EPS8: variants seen among roughly 807,000 people sequenced by gnomAD.
EPS8 encodes the protein epidermal growth factor receptor kinase substrate 8.
In EPS8, 42 loss-of-function variants were observed where a neutral mutation model predicts 103.8. The observed-to-expected ratio is 0.40, with a 90% CI of 0.32 to 0.52. The LOEUF (loss-of-function observed/expected upper bound fraction) is 0.52, where lower values mean the gene tolerates loss of function less well. EPS8 is among the 20% of genes least tolerant of loss of function. EPS8 has a pLI of 0.40. For synonymous variants in EPS8, 344 were observed against 344.6 expected (o/e 1.00, Z 0.02); for missense variants, 969 against 1,005.1 (o/e 0.96, Z 0.49).
Position 15,777,560 on chromosome 12 carries a change from C to G in EPS8, c.-22+11601G>C, listed in dbSNP as rs1947219631. Among the ~76,000 whole-genome samples, 1 of 152,208 alleles carries G rather than the reference C, an allele frequency of 6.6e-6. No individual in the cohort carries two copies. Among genetic ancestry groups the G allele is most frequent in the Non-Finnish European group, 1.5e-5 (1 of 68,036 alleles). On this transcript the variant is annotated intron_variant, in intron 1 of 20. Coordinates refer to ENST00000281172, the MANE Select transcript of EPS8 (RefSeq NM_004447.6). This position sits in a 1 kb window ranked among gnomAD's most constrained non-coding sequence, Gnocchi z 4.7. Reference sequence around the variant, plus strand: ...GTTTCAAACCCCCTAGCAGCCTAAACTTAACCTTCACTGTCATAACCACTA... The same window carrying G: ...GTTTCAAACCCCCTAGCAGCCTAAAGTTAACCTTCACTGTCATAACCACTA...
intron 17 of EPS8, among the ~76,000 whole-genome samples, chr12:15,632,174 T>G (rs960800474): frequency 1.3e-5 from 2 of 152,310 alleles, no homozygotes; most frequent in Admixed American, 6.5e-5. Flanking sequence ...TCTGCCATCA[T>G]CTTAATGCTA....
In EPS8 at chr12:15,762,654, T is replaced by C. The variant is rs750544627; in HGVS notation, c.-22+26507A>G. On this transcript the variant is annotated intron_variant, in intron 1 of 20. Coordinates refer to ENST00000281172, the MANE Select transcript of EPS8 (RefSeq NM_004447.6). The surrounding 1 kb of genome is among the most constrained non-coding windows in gnomAD (Gnocchi z 4.8). Reference sequence around the variant, plus strand: ...ACAGGTGGAACTGGAAGTCATTACGTTAAGTGAAATAAGCCAGGCACAGAA... The same window carrying C: ...ACAGGTGGAACTGGAAGTCATTACGCTAAGTGAAATAAGCCAGGCACAGAA... 2.0e-5 allele frequency among the ~76,000 whole-genome samples: 3 copies of C among 152,146 alleles called. No homozygotes were observed. Among genetic ancestry groups the C allele is most frequent in the Non-Finnish European group, 2.9e-5 (2 of 68,020 alleles).
intron 1 of EPS8, among the ~76,000 whole-genome samples, chr12:15,707,876 T>A (rs982201316): frequency 6.6e-6 from 1 of 152,192 alleles, no homozygotes; most frequent in Non-Finnish European, 1.5e-5. Context: ...AATCATTTCA[T>A]CCTCTTTTTG....
Position 15,654,023 on chromosome 12 carries a change from TTAGG to T in EPS8, c.1250+118_1250+121del, listed in dbSNP as rs1945463340. On this transcript the variant is annotated intron_variant, in intron 13 of 20. Transcript: ENST00000281172. ...CACTAGACTTCTAGCCTTTAAGGGT[TTAGG>T]TTTTTTCATCCTATGACGCTTAGTC... 3.3e-6 allele frequency: 3 copies of T among 898,362 alleles called. No individual in the cohort carries two copies. In the East Asian group the frequency reaches 7.5e-5, roughly 22 times the overall value. 55.6% of individuals were successfully genotyped at this position (898,362 alleles called of 1,614,324 possible). A position where few individuals can be genotyped will look rare whatever the true frequency, so the allele number is the denominator to read the frequency against.
At chr12:15,773,859 T>C (rs1947180276) in intron 1 of EPS8, among the ~76,000 whole-genome samples, 1 of 152,310 alleles carries the variant, frequency 6.6e-6, no homozygotes, top group Non-Finnish European at 1.5e-5. Context: ...CATTGGTAAC[T>C]ATAATTCTCT....
intron 1 of EPS8, among the ~76,000 whole-genome samples, chr12:15,687,662 T>C (rs1020345926): frequency 6.6e-6 from 1 of 152,196 alleles, no homozygotes; most frequent in African/African-American, 2.4e-5. Context: ...TGTTTGCTAT[T>C]GTGATGGTGT....
At chr12:15,653,794 T>C (rs1449207481) in intron 13 of EPS8, among the ~76,000 whole-genome samples, 1 of 152,194 alleles carries the variant, frequency 6.6e-6, no homozygotes, top group Non-Finnish European at 1.5e-5. Flanking sequence ...TAGCAAGCAC[T>C]GTGCGCGCGC....
chr12:15,741,459 C>T (rs1179074608), intron 1 of EPS8, among the ~76,000 whole-genome samples: 1 of 152,172 alleles, frequency 6.6e-6, no homozygotes, highest in African/African-American at 2.4e-5. Flanking sequence ...GGTTGACCAT[C>T]TGCAGTTTGG....
chr12:15,755,348 GT>G (rs1946975714), intron 1 of EPS8, among the ~76,000 whole-genome samples: 1 of 152,108 alleles, frequency 6.6e-6, no homozygotes, highest in Non-Finnish European at 1.5e-5. Flanking sequence ...AGATACTGTT[GT>G]TGGAGGAGAA....
rs1357254435 is a variant in EPS8 at position 15,771,304 on chromosome 12, G to A, written c.-22+17857C>T. 1.3e-5 allele frequency among the ~76,000 whole-genome samples: 2 copies of A among 152,170 alleles called. No individual in the cohort carries two copies. Among genetic ancestry groups the A allele is most frequent in the South Asian group, 2.1e-4 (1 of 4,820 alleles). ...GCTAATGAGTAATTTATAGGAAAGC[G>A]GGTAGTGAGGCTAAAATTAAAGAAA... On this transcript the variant is annotated intron_variant, in intron 1 of 20. Transcript: ENST00000281172. The surrounding 1 kb of genome is among the most constrained non-coding windows in gnomAD (Gnocchi z 4.6).
intron 1 of EPS8, 130 bp from the exon 2 acceptor site, chr12:15,683,102 C>T: frequency 1.9e-6 from 1 of 526,560 alleles, no homozygotes; most frequent in East Asian, 3.4e-5. Context: ...TAAAGATCTC[C>T]ACCCTCAAAG....
intron 19 of EPS8, 81 bp downstream of exon 19, chr12:15,624,146 A>T: frequency 9.0e-7 from 1 of 1,105,552 alleles, no homozygotes. Flanking sequence ...TATAACAGTT[A>T]TCTGTGACAT....
chr12:15,654,323 A>G, intron 12 of EPS8, 30 bp from the exon 13 acceptor site: 2 of 1,604,382 alleles, frequency 1.2e-6, no homozygotes, highest in Non-Finnish European at 1.7e-6. Flanking sequence ...TTTAGCAAGA[A>G]GATTACTATT....
Position 15,733,128 on chromosome 12 carries a change from T to C in EPS8, c.-21-50156A>G, listed in dbSNP as rs1348384725. On this transcript the variant is annotated intron_variant, in intron 1 of 20. Transcript: ENST00000281172. This position sits in a 1 kb window ranked among gnomAD's most constrained non-coding sequence, Gnocchi z 4.8. ...GTATTCGTCCATTTTCACACTGCTA[T>C]AAAGATACTACACAAGATTGGGTAA... 1.3e-5 allele frequency among the ~76,000 whole-genome samples: 2 copies of C among 152,180 alleles called. No individual in the cohort carries two copies. The highest frequency in any genetic ancestry group is 6.5e-5 in the Admixed American group (1 of 15,274).
chr12:15,667,261 T>A (rs1945731066), intron 6 of EPS8, among the ~76,000 whole-genome samples: 1 of 152,160 alleles, frequency 6.6e-6, no homozygotes, highest in African/African-American at 2.4e-5. Context: ...GTTGTATTTC[T>A]TTTACAGTAA....
intron 12 of EPS8, among the ~76,000 whole-genome samples, chr12:15,654,666 T>G (rs1367764554): frequency 1.3e-5 from 2 of 152,164 alleles, no homozygotes; most frequent in Admixed American, 6.5e-5. Context: ...AAATCTATTA[T>G]GCCAAACTTG....
At position 15,749,165 on chromosome 12, in the gene EPS8, C is replaced by T. The variant is rs1000394363; in HGVS notation, c.-22+39996G>A. Reference sequence around the variant, plus strand: ...TGACTATTTAAGATTATGCCTTAGGCTCTCACTAAGGGCCAATATAGGAAA... The same window carrying T: ...TGACTATTTAAGATTATGCCTTAGGTTCTCACTAAGGGCCAATATAGGAAA... On this transcript the variant is annotated intron_variant, in intron 1 of 20. Coordinates refer to ENST00000281172, the MANE Select transcript of EPS8 (RefSeq NM_004447.6). The surrounding 1 kb of genome is among the most constrained non-coding windows in gnomAD (Gnocchi z 4.0). Among the ~76,000 whole-genome samples the T allele has an allele frequency of 1.3e-5, 2 of 152,018 alleles. No individual in the cohort carries two copies. The highest frequency in any genetic ancestry group is 4.8e-5 in the African/African-American group (2 of 41,370).
chr12:15,734,561 G>A lies in EPS8; in HGVS notation c.-21-51589C>T, dbSNP rs1462964761. On this transcript the variant is annotated intron_variant, in intron 1 of 20. Transcript: ENST00000281172. This position sits in a 1 kb window ranked among gnomAD's most constrained non-coding sequence, Gnocchi z 4.1. ...TACAAAGAATTAGCCGGGCATGGTG[G>A]TGGGCGCCTGTGGTCCCAGCTACTC... 1.3e-5 allele frequency among the ~76,000 whole-genome samples: 2 copies of A among 152,072 alleles called. No individual in the cohort carries two copies. Among genetic ancestry groups the A allele is most frequent in the Non-Finnish European group, 2.9e-5 (2 of 68,026 alleles).
intron 1 of EPS8, among the ~76,000 whole-genome samples, chr12:15,758,952 G>T (rs543407529): frequency 1.3e-5 from 2 of 152,064 alleles, no homozygotes; most frequent in African/African-American, 4.8e-5. Flanking sequence ...CAGTGAATGG[G>T]GAGGAAGCAT....
Sources: gnomAD v4.1 joint callset for allele counts (sites outside exome capture counted in the v4.1 genomes callset) on GRCh38, gnomAD v4.1.1 for gene constraint, Gnocchi (gnomAD v3.1) non-coding constraint, MANE v1.5 for transcripts, NCBI Gene and HGNC (gene_info 2026-07-23, HGNC 2026-07-21) for gene names.